GPC5: variants seen among roughly 807,000 people sequenced by gnomAD.
GPC5 encodes glypican-5.
In GPC5, 47 loss-of-function variants were observed where a neutral mutation model predicts 53.9. The ratio of observed to expected loss-of-function variants is 0.87; its 90% CI spans 0.69 to 1.11. The LOEUF is 1.11. Ranked by LOEUF, GPC5 falls within the 50% of genes most tolerant of loss-of-function variation. The probability of loss-of-function intolerance (pLI) is 0.00; values close to 1 mark genes in which losing one functional copy is unlikely to be tolerated. For missense variants in GPC5, 748 were observed against 713.1 expected (o/e 1.05, Z -0.56); for synonymous variants, 286 against 263.3 (o/e 1.09, Z -0.84).
chr13:91,906,047 G>A (rs956099729), intron 5 of GPC5, among the ~76,000 whole-genome samples: 7 of 151,852 alleles, frequency 4.6e-5, no homozygotes, highest in East Asian at 1.9e-4. Flanking sequence ...CCCTGCCAAC[G>A]TCCCTGTTCT....
chr13:92,040,568 G>A (rs2040934105), intron 6 of GPC5, among the ~76,000 whole-genome samples: 1 of 152,160 alleles, frequency 6.6e-6, no homozygotes, highest in African/African-American at 2.4e-5. Flanking sequence ...TGCCCAGTGA[G>A]CCCACCCTAT....
intron 4 of GPC5, among the ~76,000 whole-genome samples, chr13:91,753,349 C>T (rs2037220152): frequency 6.6e-6 from 1 of 152,158 alleles, no homozygotes; most frequent in Non-Finnish European, 1.5e-5. Flanking sequence ...CAGGGAATGA[C>T]ATGACCATCC....
At chr13:91,863,265 ATT>A (rs1172704143) in intron 5 of GPC5, among the ~76,000 whole-genome samples, 1 of 152,072 alleles carries the variant, frequency 6.6e-6, no homozygotes, top group Non-Finnish European at 1.5e-5. Context: ...GATGATGCTT[ATT>A]TTGACAGGTT....
intron 7 of GPC5, among the ~76,000 whole-genome samples, chr13:92,651,034 G>C (rs1289908768): frequency 6.6e-6 from 1 of 151,962 alleles, no homozygotes; most frequent in Non-Finnish European, 1.5e-5. Flanking sequence ...ACTGTGCTGA[G>C]GATGATGGCT....
At chr13:92,453,258 T>C (rs561909260) in intron 7 of GPC5, among the ~76,000 whole-genome samples, 153 of 152,358 alleles carry the variant, frequency 1.0e-3, no homozygotes, top group African/African-American at 3.4e-3. Flanking sequence ...AGTTCCATTG[T>C]AACGAATGTC....
chr13:92,381,776 T>A (rs1218877903), intron 7 of GPC5, among the ~76,000 whole-genome samples: 1 of 135,092 alleles, frequency 7.4e-6, no homozygotes, highest in Non-Finnish European at 1.6e-5. Flanking sequence ...AATGAGTGGA[T>A]AAATAAACTG....
At chr13:92,697,247 A>G (rs577896900) in intron 7 of GPC5, among the ~76,000 whole-genome samples, 5 of 152,244 alleles carry the variant, frequency 3.3e-5, no homozygotes, top group African/African-American at 1.2e-4. Flanking sequence ...AGTCAATGGT[A>G]GTTTGATGGG....
chr13:92,798,638 G>A (rs1194837571), intron 7 of GPC5, among the ~76,000 whole-genome samples: 4 of 151,792 alleles, frequency 2.6e-5, no homozygotes, highest in Non-Finnish European at 5.9e-5. Flanking sequence ...CTAATTTAAT[G>A]TGTGTTTCGT....
intron 7 of GPC5, among the ~76,000 whole-genome samples, chr13:92,775,896 C>T (rs1875786888): frequency 6.6e-6 from 1 of 152,152 alleles, no homozygotes; most frequent in Non-Finnish European, 1.5e-5. Context: ...TCTTCATTCA[C>T]CACAAAATAA....
chr13:92,751,303 TAAAAAAAAAAAAAAAAAA>T lies in GPC5; in HGVS notation c.1562-114964_1562-114947del, dbSNP rs71123435. On this transcript the variant is annotated intron_variant, in intron 7 of 7. Coordinates refer to ENST00000377067, the MANE Select transcript of GPC5 (RefSeq NM_004466.6). ...AAACCTTTGGTCATCCAGAAACATT[TAAAAAAAAAAAAAAAAAA>T]AAAAAAAAAAAAAACCTTCCAACCT... 2.6e-4 allele frequency among the ~76,000 whole-genome samples: 10 copies of T among 38,768 alleles called. 1 individual carries two copies. Among genetic ancestry groups the T allele is most frequent in the African/African-American group, 6.7e-4 (8 of 11,858 alleles). The allele number at this position is 38,768 out of a possible 152,430, so 25.4% of individuals were successfully genotyped here.
At chr13:91,916,068 G>A (rs369129798) in intron 6 of GPC5, among the ~76,000 whole-genome samples, 2 of 152,074 alleles carry the variant, frequency 1.3e-5, no homozygotes, top group South Asian at 2.1e-4. Context: ...GCTTTTATAG[G>A]CACTAACTGT....
At chr13:91,626,351 A>G (rs945650706) in intron 2 of GPC5, among the ~76,000 whole-genome samples, 2 of 152,296 alleles carry the variant, frequency 1.3e-5, no homozygotes, top group East Asian at 1.9e-4. Flanking sequence ...TTGCTCAGGC[A>G]TGTACTGACC....
intron 2 of GPC5, among the ~76,000 whole-genome samples, chr13:91,578,451 C>A (rs965277858): frequency 6.6e-6 from 1 of 152,124 alleles, no homozygotes; most frequent in Non-Finnish European, 1.5e-5. Flanking sequence ...TTTTAGCACC[C>A]TCTCATAGAA....
At chr13:92,493,664 A>G (rs1348855902) in intron 7 of GPC5, among the ~76,000 whole-genome samples, 3 of 152,206 alleles carry the variant, frequency 2.0e-5, no homozygotes, top group Non-Finnish European at 2.9e-5. Flanking sequence ...TCCTAATTTA[A>G]CTAAATCTTT....
chr13:92,608,424 A>T (rs1594343057), intron 7 of GPC5, among the ~76,000 whole-genome samples: 1 of 152,178 alleles, frequency 6.6e-6, no homozygotes, highest in South Asian at 2.1e-4. Context: ...TATTGTCTAT[A>T]AAACAGTATC....
intron 7 of GPC5, among the ~76,000 whole-genome samples, chr13:92,628,258 T>C (rs866016465): frequency 2.3e-5 from 3 of 130,894 alleles, no homozygotes; most frequent in African/African-American, 8.9e-5. Context: ...CTTTTTCTTT[T>C]TCTTTCTTTT....
chr13:92,552,819 C>G (rs1882363618), intron 7 of GPC5, among the ~76,000 whole-genome samples: 1 of 151,880 alleles, frequency 6.6e-6, no homozygotes, highest in African/African-American at 2.4e-5. Flanking sequence ...TTGATATGTC[C>G]TTAGTTTCCA....
chr13:92,313,725 A>G (rs573272128), intron 7 of GPC5, among the ~76,000 whole-genome samples: 16 of 152,290 alleles, frequency 1.1e-4, no homozygotes, highest in African/African-American at 3.8e-4. Flanking sequence ...AGCTAATCAG[A>G]GTCAAGGACT....
At chr13:92,433,772 A>C (rs1877192083) in intron 7 of GPC5, among the ~76,000 whole-genome samples, 1 of 152,148 alleles carries the variant, frequency 6.6e-6, no homozygotes, top group Admixed American at 6.5e-5. Context: ...GTGTTGAGAA[A>C]GTGGCAGAGT....
Sources: gnomAD v4.1 joint callset for allele counts (sites outside exome capture counted in the v4.1 genomes callset) on GRCh38, gnomAD v4.1.1 for gene constraint, MANE v1.5 for transcripts, NCBI Gene and HGNC (gene_info 2026-07-23, HGNC 2026-07-21) for gene names.